The following LHFPL6 variants were observed in gnomAD, a reference collection of about 807,000 sequenced individuals.
LHFPL6 encodes the protein LHFPL tetraspan subfamily member 6, also known as LHFPL tetraspan subfamily member 6 protein.
Under a neutral mutation model 20.6 loss-of-function variants are expected in LHFPL6, and 9 were observed. That is an observed-to-expected ratio of 0.44 (90% CI 0.26 to 0.76). The LOEUF (loss-of-function observed/expected upper bound fraction) is 0.76, where lower values mean the gene tolerates loss of function less well. Ranked by LOEUF, LHFPL6 falls within the 30% of genes least tolerant of loss-of-function variation. The pLI is 0.20. For synonymous variants in LHFPL6, 105 were observed against 98.7 expected, an observed-to-expected ratio of 1.06 and a Z score of -0.38; for missense variants, 218 against 253.5, an observed-to-expected ratio of 0.86 and a Z score of 0.95.
chr13:39,527,586 C>T (rs1398016259), intron 2 of LHFPL6, among the ~76,000 whole-genome samples: 3 of 151,048 alleles, frequency 2.0e-5, no homozygotes, highest in Admixed American at 2.0e-4. Context: ...CAAGAACTTC[C>T]TGATATGGGA....
At chr13:39,538,583 A>T (rs566648870) in intron 2 of LHFPL6, among the ~76,000 whole-genome samples, 9 of 151,370 alleles carry the variant, frequency 5.9e-5, no homozygotes, top group Admixed American at 4.6e-4. Flanking sequence ...GACGAAAGGT[A>T]CATATCTTGA....
At position 39,343,318 on chromosome 13, in the gene LHFPL6, TA is replaced by T. The variant is rs1869297100; in HGVS notation, c.*617del. The T allele has an allele frequency of 4.5e-6, 1 of 223,396 alleles. No individual in the cohort carries two copies. Among genetic ancestry groups the T allele is most frequent in the Admixed American group, 5.7e-5 (1 of 17,488 alleles). The allele number at this position is 223,396 out of a possible 1,614,324, so 13.8% of individuals were successfully genotyped here. ...GCTTAATGTATGTTTTATAAAGTGA[TA>T]ATACTGTATTTTAAATGTATATTAA... is the stretch of plus-strand genomic sequence containing the variant. On this transcript the variant is annotated 3_prime_UTR_variant, in exon 4 of 4. Transcript: ENST00000379589.
At chr13:39,538,671 T>C (rs1870701056) in intron 2 of LHFPL6, among the ~76,000 whole-genome samples, 1 of 151,984 alleles carries the variant, frequency 6.6e-6, no homozygotes, top group Non-Finnish European at 1.5e-5. Context: ...AGAAACCAGT[T>C]GTAAATAATA....
intron 2 of LHFPL6, among the ~76,000 whole-genome samples, chr13:39,491,464 A>C (rs915916334): frequency 6.6e-6 from 1 of 152,238 alleles, no homozygotes; most frequent in South Asian, 2.1e-4. Flanking sequence ...GCCTGCCTCA[A>C]GAGTCTACAT....
intron 3 of LHFPL6, among the ~76,000 whole-genome samples, chr13:39,357,007 T>TA (rs1340297884): frequency 6.6e-6 from 1 of 151,920 alleles, no homozygotes; most frequent in Non-Finnish European, 1.5e-5. Context: ...CCATCTTTAT[T>TA]AAAAAATATA....
chr13:39,543,879 C>T (rs1468588215), intron 2 of LHFPL6, among the ~76,000 whole-genome samples: 2 of 152,318 alleles, frequency 1.3e-5, no homozygotes, highest in East Asian at 3.9e-4. Flanking sequence ...ATCTTGATGA[C>T]ATGTCTCAGA....
chr13:39,422,908 C>T (rs9285132), intron 2 of LHFPL6, among the ~76,000 whole-genome samples: 42,983 of 152,032 alleles, frequency 0.28, 7,022 homozygotes, highest in East Asian at 0.68. Flanking sequence ...CAAACACGTC[C>T]TTCTTCACAT....
intron 2 of LHFPL6, among the ~76,000 whole-genome samples, chr13:39,439,023 C>T (rs1593313307): frequency 6.6e-6 from 1 of 152,172 alleles, no homozygotes. Flanking sequence ...AAGAGGGCCA[C>T]CATCCTCCAG....
intron 2 of LHFPL6, among the ~76,000 whole-genome samples, chr13:39,522,351 C>T (rs1345706477): frequency 4.6e-5 from 7 of 152,216 alleles, no homozygotes; most frequent in African/African-American, 1.4e-4. Flanking sequence ...AGGATTTAAA[C>T]TCGCGTAGTC....
intron 2 of LHFPL6, among the ~76,000 whole-genome samples, chr13:39,462,089 G>A (rs973369532): frequency 2.0e-5 from 3 of 152,146 alleles, no homozygotes; most frequent in African/African-American, 7.2e-5. Flanking sequence ...GCCTCCGACA[G>A]GTTCCAGTCT....
At chr13:39,546,532 G>T (rs1870987075) in intron 2 of LHFPL6, among the ~76,000 whole-genome samples, 1 of 152,126 alleles carries the variant, frequency 6.6e-6, no homozygotes, top group African/African-American at 2.4e-5. Flanking sequence ...CTGACCTAGT[G>T]AATCAGAAAC....
intron 2 of LHFPL6, among the ~76,000 whole-genome samples, chr13:39,571,654 C>T (rs555859481): frequency 3.9e-5 from 6 of 152,384 alleles, no homozygotes; most frequent in Admixed American, 6.5e-5. Context: ...GCTGTCACAC[C>T]GGCCCTTTGC....
intron 2 of LHFPL6, among the ~76,000 whole-genome samples, chr13:39,472,349 G>C (rs1223884382): frequency 6.6e-6 from 1 of 151,846 alleles, no homozygotes; most frequent in Non-Finnish European, 1.5e-5. Flanking sequence ...TCTCTTAAAG[G>C]CTCTTCTCCT....
intron 2 of LHFPL6, among the ~76,000 whole-genome samples, chr13:39,502,906 T>A (rs1401554195): frequency 6.6e-6 from 1 of 152,204 alleles, no homozygotes; most frequent in East Asian, 1.9e-4. Context: ...TATTTATTTA[T>A]TTTAGAGACA....
chr13:39,461,317 T>C (rs60199520), intron 2 of LHFPL6, among the ~76,000 whole-genome samples: 14,266 of 152,178 alleles, frequency 0.094, 1,261 homozygotes, highest in East Asian at 0.51. Flanking sequence ...TGTGTCTTTT[T>C]AGTAGAATGA....
At chr13:39,431,757 G>A (rs1871816139) in intron 2 of LHFPL6, among the ~76,000 whole-genome samples, 1 of 140,216 alleles carries the variant, frequency 7.1e-6, no homozygotes, top group African/African-American at 2.7e-5. Context: ...CATCAAATTT[G>A]TCAGCAAACC....
intron 2 of LHFPL6, among the ~76,000 whole-genome samples, chr13:39,459,887 A>C (rs968018506): frequency 6.6e-6 from 1 of 152,226 alleles, no homozygotes; most frequent in Non-Finnish European, 1.5e-5. Context: ...GTAAGAAATC[A>C]CTAAAAATAG....
intron 3 of LHFPL6, among the ~76,000 whole-genome samples, chr13:39,353,279 C>G (rs1033694260): frequency 6.6e-6 from 1 of 151,690 alleles, no homozygotes; most frequent in South Asian, 2.1e-4. Context: ...AGCCACCACG[C>G]CTGATCCTAA....
chr13:39,382,370 T>C (rs1870464551), intron 2 of LHFPL6, among the ~76,000 whole-genome samples: 1 of 151,946 alleles, frequency 6.6e-6, no homozygotes, highest in Non-Finnish European at 1.5e-5. Flanking sequence ...AAACCTAGAG[T>C]AGGTTACATT....
Sources: gnomAD v4.1 joint callset for allele counts (sites outside exome capture counted in the v4.1 genomes callset) on GRCh38, gnomAD v4.1.1 for gene constraint, MANE v1.5 for transcripts, NCBI Gene and HGNC (gene_info 2026-07-23, HGNC 2026-07-21) for gene names.